UBE2W: variants seen among roughly 807,000 people sequenced by gnomAD.
UBE2W encodes ubiquitin-conjugating enzyme E2 W.
In UBE2W, 18 loss-of-function variants were observed where a neutral mutation model predicts 27.2. That is an observed-to-expected ratio of 0.66 (90% CI 0.46 to 0.98). The LOEUF (loss-of-function observed/expected upper bound fraction) is 0.98, where lower values mean the gene tolerates loss of function less well. Ranked by LOEUF, UBE2W falls within the 50% of genes least tolerant of loss-of-function variation. UBE2W has a pLI of 0.00. For synonymous variants in UBE2W, 53 were observed against 57.2 expected, an observed-to-expected ratio of 0.93 and a Z score of 0.33; for missense variants, 90 against 180.2, an observed-to-expected ratio of 0.50 and a Z score of 2.87.
At chr8:73,817,309 CA>C (rs1280962299) in intron 3 of UBE2W, among the ~76,000 whole-genome samples, 1 of 152,088 alleles carries the variant, frequency 6.6e-6, no homozygotes, top group Non-Finnish European at 1.5e-5. Context: ...GCCTGGGTGA[CA>C]GGGCGCAACT....
downstream of UBE2W, among the ~76,000 whole-genome samples, chr8:73,782,191 C>A (rs1807859131): frequency 6.6e-6 from 1 of 151,988 alleles, no homozygotes; most frequent in Admixed American, 6.6e-5. Flanking sequence ...TCGTGATCTG[C>A]CTGCCTTGGC....
chr8:73,798,939 TA>T (rs1003443973), intron 5 of UBE2W, among the ~76,000 whole-genome samples: 1 of 152,014 alleles, frequency 6.6e-6, no homozygotes, highest in African/African-American at 2.4e-5. Flanking sequence ...GTTTTTTTTT[TA>T]ACCCTATTCT....
Position 73,789,307 on chromosome 8 carries a change from TAAAAAAAAAAAAA to T in UBE2W, c.*4782_*4794del, listed in dbSNP as rs10652083. The T allele has an allele frequency of 2.1e-3, 84 of 40,064 alleles. 1 individual carries two copies. In the East Asian group the frequency reaches 0.056, roughly 27 times the overall value. 2.5% of individuals were successfully genotyped at this position (40,064 alleles called of 1,614,324 possible). The stretch of plus-strand genomic sequence containing the variant: ...GCAACATGGTGAGACCTCGTGTCTT[TAAAAAAAAAAAAA>T]AAAAAAAAAAAAAAAAAAAAAATTC... On this transcript the variant is annotated 3_prime_UTR_variant, in exon 6 of 6. Coordinates refer to ENST00000602593, the MANE Select transcript of UBE2W (RefSeq NM_018299.6).
chr8:73,810,994 A>G (rs1185852283), intron 3 of UBE2W, among the ~76,000 whole-genome samples: 1 of 152,226 alleles, frequency 6.6e-6, no homozygotes, highest in Admixed American at 6.5e-5. Flanking sequence ...CAAGTATGAT[A>G]AAATTCCAAA....
chr8:73,791,562 A>G lies in UBE2W; in HGVS notation c.*2540T>C. 2 of 985,164 alleles carry G rather than the reference A, an allele frequency of 2.0e-6. No individual in the cohort carries two copies. Among genetic ancestry groups the G allele is most frequent in the Middle Eastern group, 5.2e-4 (1 of 1,914 alleles). The allele number at this position is 985,164 out of a possible 1,614,324, so 61.0% of individuals were successfully genotyped here. On this transcript the variant is annotated 3_prime_UTR_variant, in exon 6 of 6. Coordinates refer to ENST00000602593, the MANE Select transcript of UBE2W (RefSeq NM_018299.6). ...TCTTTCAACAATGCATTACAGAGAA[A>G]TATTCTTTTTATTATTACAAGCCAT...
chr8:73,796,910 A>AAC (rs1554579046), intron 5 of UBE2W, among the ~76,000 whole-genome samples: 3 of 152,260 alleles, frequency 2.0e-5, no homozygotes, highest in East Asian at 3.9e-4. Context: ...AAATAAAAAA[A>AAC]ATCAGAGTAA....
chr8:73,844,921 G>A (rs57754287), intron 1 of UBE2W, among the ~76,000 whole-genome samples: 4,703 of 151,552 alleles, frequency 0.031, 220 homozygotes, highest in African/African-American at 0.1. Context: ...CAGCCGCCCG[G>A]TCTGGGAAGT....
At chr8:73,795,653 C>T in intron 5 of UBE2W, 1 of 441,070 alleles carries the variant, frequency 2.3e-6, no homozygotes, top group Non-Finnish European at 3.0e-6. Context: ...ATAGAGTATT[C>T]CATGATCCAG....
chr8:73,804,943 GAACTCCTGACCTCAA>G (rs1338856032), intron 5 of UBE2W, among the ~76,000 whole-genome samples: 11 of 151,742 alleles, frequency 7.2e-5, no homozygotes, highest in African/African-American at 2.4e-4. Flanking sequence ...AGCTAGTCTT[GAACTCCTGACCTCAA>G]GTGATCTGCC....
chr8:73,833,763 CTTTT>C (rs201527511), intron 1 of UBE2W: 1 of 151,954 alleles, frequency 6.6e-6, no homozygotes, highest in Admixed American at 6.6e-5. Context: ...CTTAATATGA[CTTTT>C]TTTTCAGAGA....
At chr8:73,872,516 T>A (rs933193998) in intron 1 of UBE2W, among the ~76,000 whole-genome samples, 1 of 152,202 alleles carries the variant, frequency 6.6e-6, no homozygotes, top group Non-Finnish European at 1.5e-5. Flanking sequence ...CTAACCTAAT[T>A]TCATTCTAAT....
At chr8:73,841,453 T>C (rs542053969) in intron 1 of UBE2W, among the ~76,000 whole-genome samples, 3 of 152,182 alleles carry the variant, frequency 2.0e-5, no homozygotes, top group Non-Finnish European at 2.9e-5. Flanking sequence ...CTAAACTTTT[T>C]AAAATTCTGA....
chr8:73,792,574 T>C lies in UBE2W; in HGVS notation c.*1528A>G. On this transcript the variant is annotated 3_prime_UTR_variant, in exon 6 of 6. Coordinates refer to ENST00000602593, the MANE Select transcript of UBE2W (RefSeq NM_018299.6). The stretch of plus-strand genomic sequence containing the variant: ...ACGTATTTCAAACCTTTCAGCCAAC[T>C]GGCTTTCAGTTTTAAGCCCAAATTG... The C allele has an allele frequency of 2.0e-6, 2 of 985,782 alleles. No individual in the cohort carries two copies. Among genetic ancestry groups the C allele is most frequent in the South Asian group, 9.4e-5 (2 of 21,292 alleles). 61.1% of individuals were successfully genotyped at this position (985,782 alleles called of 1,614,324 possible).
chr8:73,866,580 C>A (rs573272167), intron 1 of UBE2W, among the ~76,000 whole-genome samples: 1 of 151,460 alleles, frequency 6.6e-6, no homozygotes, highest in South Asian at 2.1e-4. Flanking sequence ...AATGTAAAAG[C>A]CAGAATTATT....
At chr8:73,844,182 A>G (rs1810667053) in intron 1 of UBE2W, among the ~76,000 whole-genome samples, 2 of 44,480 alleles carry the variant, frequency 4.5e-5, no homozygotes, top group African/African-American at 3.6e-4. Flanking sequence ...CTCTGCACGG[A>G]CTCCCTCTGA....
Position 73,793,984 on chromosome 8 carries a change from T to C in UBE2W, c.*118A>G, listed in dbSNP as rs114676188. The C allele has an allele frequency of 3.2e-5, 49 of 1,525,388 alleles. No homozygotes were observed. In the African/African-American group the frequency reaches 6.0e-4, roughly 19 times the overall value. The allele number at this position is 1,525,388 out of a possible 1,614,324, so 94.5% of individuals were successfully genotyped here. ...CGAGTAAAAATGCAGTAAAAGGAAGTAGTCTTCATTGCCTATAGGTCACTT... is the reference window on the plus strand; with the variant it reads ...CGAGTAAAAATGCAGTAAAAGGAAGCAGTCTTCATTGCCTATAGGTCACTT... On this transcript the variant is annotated 3_prime_UTR_variant, in exon 6 of 6. Coordinates refer to ENST00000602593, the MANE Select transcript of UBE2W (RefSeq NM_018299.6).
In UBE2W at chr8:73,805,691, T is replaced by C. The variant is rs1400504908; in HGVS notation, c.402A>G (p.Thr134=). The change falls in exon 5 of 6, where the codon ACA becomes ACG. Residue 134 remains threonine, a synonymous_variant. Transcript: ENST00000602593. ...RPPDNSFYVR[T]CNKNPKKTKW... ...TTGTTTTCTTTGGATTCTTGTTACA[T>C]GTTCGCACATAAAAAGAATTATCCG... The C allele has an allele frequency of 6.5e-7, 1 of 1,546,702 alleles. No homozygotes were observed. The highest frequency in any genetic ancestry group is 1.8e-5 in the Admixed American group (1 of 55,034).
rs1315868245 is a variant in UBE2W at position 73,792,115 on chromosome 8, G to A, written c.*1987C>T. On this transcript the variant is annotated 3_prime_UTR_variant, in exon 6 of 6. Coordinates refer to ENST00000602593, the MANE Select transcript of UBE2W (RefSeq NM_018299.6). ...AGTGTAGAGCAGTTACGCAAAATAT[G>A]AAAATACATAATTTACAGCTGCAAT... 5.6e-5 allele frequency: 55 copies of A among 985,068 alleles called. No individual in the cohort carries two copies. Among genetic ancestry groups the A allele is most frequent in the Non-Finnish European group, 6.6e-5 (55 of 829,794 alleles). The allele number at this position is 985,068 out of a possible 1,614,324, so 61.0% of individuals were successfully genotyped here.
intron 1 of UBE2W, among the ~76,000 whole-genome samples, chr8:73,859,768 GCT>G (rs1378556676): frequency 6.6e-6 from 1 of 152,152 alleles, no homozygotes; most frequent in African/African-American, 2.4e-5. Flanking sequence ...CTGAAGTAAA[GCT>G]CTGTCATCAT....
Sources: gnomAD v4.1 joint callset for allele counts (sites outside exome capture counted in the v4.1 genomes callset) on GRCh38, gnomAD v4.1.1 for gene constraint, MANE v1.5 for transcripts, NCBI Gene and HGNC (gene_info 2026-07-23, HGNC 2026-07-21) for gene names.